The following USH2A variants were observed in gnomAD, a reference collection of about 807,000 sequenced individuals.
USH2A encodes the protein usherin, also known as Usher syndrome 2A (autosomal recessive, mild).
USH2A carries 443 observed loss-of-function variants against 538.9 expected under a neutral mutation model. That is an observed-to-expected ratio of 0.82 (90% CI 0.76 to 0.89). USH2A has a LOEUF of 0.89. Among genes scored for constraint, USH2A ranks in the 40% least tolerant of loss-of-function variants. The probability of loss-of-function intolerance (pLI) is 0.00; values close to 1 mark genes in which losing one functional copy is unlikely to be tolerated. For synonymous variants in USH2A, 2,413 were observed against 2,273.5 expected (o/e 1.06, Z -1.75); for missense variants, 6,633 against 6,324.8 (o/e 1.05, Z -1.65).
At position 215,735,975 on chromosome 1, in the gene USH2A, A is replaced by G. The variant is rs1480201293; in HGVS notation, c.11711+5400T>C. On this transcript the variant is annotated intron_variant, in intron 60 of 71. Transcript: ENST00000307340. Reference sequence around the variant, plus strand: ...TTCCAAGAGGCTAATTATCTTTTATATTTACTATCTTCACTTCATGTAAAA... The same window carrying G: ...TTCCAAGAGGCTAATTATCTTTTATGTTTACTATCTTCACTTCATGTAAAA... 1.3e-5 allele frequency among the ~76,000 whole-genome samples: 2 copies of G among 152,114 alleles called. 1 individual carries two copies. Among genetic ancestry groups the G allele is most frequent in the Admixed American group, 1.3e-4 (2 of 15,262 alleles).
chr1:216,097,952 T>C (rs770800525), intron 21 of USH2A, among the ~76,000 whole-genome samples: 6 of 151,330 alleles, frequency 4.0e-5, no homozygotes, highest in African/African-American at 7.3e-5. Flanking sequence ...GTCCTATGAA[T>C]GATGCCTCCC....
chr1:215,841,216 A>T (rs1663667625), intron 46 of USH2A, among the ~76,000 whole-genome samples: 1 of 152,212 alleles, frequency 6.6e-6, no homozygotes, highest in African/African-American at 2.4e-5. Context: ...TATGGAACCA[A>T]AAAAGAGCCT....
chr1:215,739,895 G>A (rs1457093977), intron 60 of USH2A, among the ~76,000 whole-genome samples: 2 of 152,190 alleles, frequency 1.3e-5, no homozygotes, highest in Non-Finnish European at 2.9e-5. Flanking sequence ...GACCAAATAA[G>A]GGAAGGCCTG....
intron 32 of USH2A, among the ~76,000 whole-genome samples, chr1:216,017,238 C>T (rs1668735968): frequency 6.6e-6 from 1 of 152,044 alleles, no homozygotes; most frequent in Non-Finnish European, 1.5e-5. Context: ...TCCATCTACA[C>T]ACACATACAA....
intron 64 of USH2A, among the ~76,000 whole-genome samples, chr1:215,660,981 T>TG (rs1657420780): frequency 6.6e-6 from 1 of 152,242 alleles, no homozygotes; most frequent in Non-Finnish European, 1.5e-5. Context: ...GATGTTTATT[T>TG]ACAATTTAAA....
At chr1:216,070,073 G>T (rs745680348) in intron 30 of USH2A, 28 bp downstream of exon 30, 17 of 1,611,698 alleles carry the variant, frequency 1.1e-5, no homozygotes, top group Admixed American at 1.7e-5. Context: ...AGTTAATAGG[G>T]TCTACTCTGT....
chr1:215,650,858 AAAAAAAAAAAAGAAAGG>A, intron 64 of USH2A, 57 bp from the exon 65 acceptor site: 1 of 1,568,732 alleles, frequency 6.4e-7, no homozygotes, highest in Non-Finnish European at 8.6e-7. Flanking sequence ...GCTGGGAAAA[AAAAAAAAAAAAGAAAGG>A]AAAAAAAACG....
Position 216,190,298 on chromosome 1 carries a change from C to G in USH2A, c.4321G>C (p.Glu1441Gln), listed in dbSNP as rs869312186. 1 of 1,612,472 alleles carries G rather than the reference C, an allele frequency of 6.2e-7. No homozygotes were observed. The change falls in exon 20 of 72, where the codon GAG (glutamate) becomes CAG (glutamine). Residue 1441 changes from glutamate (E) to glutamine (Q), a missense_variant. Physicochemically the swap from Glu to Gln is conservative, Grantham distance 29. Coordinates refer to ENST00000307340, the MANE Select transcript of USH2A (RefSeq NM_206933.4). ...VEGLKPYRIY[E>Q]FTITLCNSVG... ...GAATTGCAGAGAGTAATAGTAAACT[C>G]ATATATCCTATAAGGTTTCAGTCCT...
At position 216,275,776 on chromosome 1, in the gene USH2A, G is replaced by A. The variant is rs896512117; in HGVS notation, c.1971+13504C>T. On this transcript the variant is annotated intron_variant, in intron 11 of 71. Coordinates refer to ENST00000307340, the MANE Select transcript of USH2A (RefSeq NM_206933.4). ...CAAATCTCCATTTGAGGAATGTGTC[G>A]ATTCCAATAAATTAATTTGCTGCTT... is the stretch of plus-strand genomic sequence containing the variant. Among the ~76,000 whole-genome samples the A allele has an allele frequency of 3.9e-5, 6 of 152,158 alleles. No homozygotes were observed. The East Asian group carries it at 5.8e-4, about 15-fold the overall frequency.
intron 27 of USH2A, among the ~76,000 whole-genome samples, chr1:216,075,874 T>A (rs183292501): frequency 6.9e-4 from 104 of 149,644 alleles, no homozygotes; most frequent in Non-Finnish European, 8.9e-5. Context: ...AAAATAGCAC[T>A]AATATGACCA....
intron 64 of USH2A, among the ~76,000 whole-genome samples, chr1:215,655,776 C>T (rs1427834937): frequency 7.2e-6 from 1 of 138,996 alleles, no homozygotes. Context: ...CGCTCTTTCA[C>T]CAACGCTGGA....
chr1:215,753,688 C>T (rs777730927), intron 58 of USH2A, among the ~76,000 whole-genome samples: 4 of 152,062 alleles, frequency 2.6e-5, no homozygotes, highest in Non-Finnish European at 4.4e-5. Context: ...GGAGGGATAG[C>T]ATTAGGAGAT....
chr1:215,629,066 A>T lies in USH2A; in HGVS notation c.15298-31T>A, dbSNP rs1476171253. The T allele has an allele frequency of 3.8e-6, 6 of 1,583,684 alleles. No homozygotes were observed. In the African/African-American group the frequency reaches 6.7e-5, roughly 18 times the overall value. ...AAGGAAGTTGCTGTGAGTATTTCAC[A>T]TATAAAGAATATGGGCTTGAAATAT... On this transcript the variant is annotated intron_variant, in intron 70 of 71. Coordinates refer to ENST00000307340, the MANE Select transcript of USH2A (RefSeq NM_206933.4).
chr1:216,068,119 G>A (rs2031438688), intron 30 of USH2A, among the ~76,000 whole-genome samples: 1 of 152,120 alleles, frequency 6.6e-6, no homozygotes, highest in Admixed American at 6.6e-5. Context: ...GCTGAAGAGT[G>A]GTGAAGACAT....
chr1:216,358,033 G>C (rs567330054), intron 4 of USH2A, among the ~76,000 whole-genome samples: 2 of 152,122 alleles, frequency 1.3e-5, no homozygotes, highest in Non-Finnish European at 2.9e-5. Context: ...CCATTAATAA[G>C]GATAAATGAG....
intron 61 of USH2A, among the ~76,000 whole-genome samples, chr1:215,682,097 A>C (rs531486918): frequency 6.6e-6 from 1 of 152,312 alleles, no homozygotes; most frequent in East Asian, 1.9e-4. Context: ...CCCGATTACA[A>C]ACACTCTTTT....
chr1:216,165,924 C>T (rs992244212), intron 21 of USH2A, among the ~76,000 whole-genome samples: 1 of 151,460 alleles, frequency 6.6e-6, no homozygotes, highest in Admixed American at 6.6e-5. Flanking sequence ...ACAGTGTACA[C>T]TGTACCCAAT....
intron 32 of USH2A, among the ~76,000 whole-genome samples, chr1:216,011,246 C>T (rs1028713954): frequency 2.0e-5 from 3 of 152,114 alleles, no homozygotes; most frequent in Non-Finnish European, 4.4e-5. Context: ...TGTTCTGGAT[C>T]TCAAATATGC....
chr1:216,250,840 A>G, intron 12 of USH2A, 63 bp downstream of exon 12: 1 of 1,565,540 alleles, frequency 6.4e-7, no homozygotes, highest in Admixed American at 1.8e-5. Context: ...TAAGAAATCA[A>G]ATAGAGAATT....
Sources: gnomAD v4.1 joint callset for allele counts (sites outside exome capture counted in the v4.1 genomes callset) on GRCh38, gnomAD v4.1.1 for gene constraint, MANE v1.5 for transcripts, NCBI Gene and HGNC (gene_info 2026-07-23, HGNC 2026-07-21) for gene names.